The following CTNNA2 variants were observed in gnomAD, a reference collection of about 807,000 sequenced individuals.
CTNNA2 encodes the protein catenin alpha 2.
In CTNNA2, 42 loss-of-function variants were observed where a neutral mutation model predicts 101.0. That is an observed-to-expected ratio of 0.42 (90% CI 0.32 to 0.54). The LOEUF (loss-of-function observed/expected upper bound fraction) is 0.54. Ranked by LOEUF, CTNNA2 falls within the 20% of genes least tolerant of loss-of-function variation. The pLI is 0.14. For missense variants in CTNNA2, 871 were observed against 1,223.1 expected, an observed-to-expected ratio of 0.71 and a Z score of 4.29; for synonymous variants, 450 against 456.4, an observed-to-expected ratio of 0.99 and a Z score of 0.18.
chr2:79,476,379 G>C (rs1314345956), intron 4 of CTNNA2, among the ~76,000 whole-genome samples: 1 of 152,174 alleles, frequency 6.6e-6, no homozygotes, highest in African/African-American at 2.4e-5. Flanking sequence ...CTGGGCTGAA[G>C]GGAGCCCAGA....
At chr2:80,513,170 G>T (rs947457180) in intron 9 of CTNNA2, among the ~76,000 whole-genome samples, 3 of 152,122 alleles carry the variant, frequency 2.0e-5, no homozygotes, top group South Asian at 4.1e-4. Flanking sequence ...CCAGAGGGGG[G>T]TCCTACACAT....
At chr2:79,211,571 C>A (rs1003795318) in intron 2 of CTNNA2, among the ~76,000 whole-genome samples, 4 of 152,058 alleles carry the variant, frequency 2.6e-5, no homozygotes, top group African/African-American at 9.7e-5. Flanking sequence ...AGTAGGGGAG[C>A]TTTTGAGTCA....
chr2:79,543,794 A>G (rs1197381909), intron 1 of CTNNA2, among the ~76,000 whole-genome samples: 1 of 152,238 alleles, frequency 6.6e-6, no homozygotes, highest in Non-Finnish European at 1.5e-5. Context: ...TCATGATACC[A>G]AAATTTCATT....
Position 79,872,399 on chromosome 2 carries a change from A to G in CTNNA2, c.586-1677A>G, listed in dbSNP as rs187293070. ...TTACCATTTTATTATTTTTTTTAGT[A>G]TAGATACCCAGGAATGGAATTTCTG... On this transcript the variant is annotated intron_variant, in intron 5 of 18. Coordinates refer to ENST00000402739, the MANE Select transcript of CTNNA2 (RefSeq NM_001282597.3). 1.4e-3 allele frequency among the ~76,000 whole-genome samples: 206 copies of G among 152,216 alleles called. No individual in the cohort carries two copies. In the Middle Eastern group the frequency reaches 0.02, roughly 15 times the overall value.
chr2:80,512,065 G>A (rs987805050), intron 9 of CTNNA2, among the ~76,000 whole-genome samples: 3 of 146,512 alleles, frequency 2.0e-5, no homozygotes, highest in East Asian at 2.0e-4. Flanking sequence ...CAGGAGAATC[G>A]CTTGAACCCA....
intron 7 of CTNNA2, among the ~76,000 whole-genome samples, chr2:80,220,632 T>C (rs2149053419): frequency 6.6e-6 from 1 of 152,320 alleles, no homozygotes; most frequent in East Asian, 1.9e-4. Context: ...TACTGCTGCA[T>C]TTGTCATGGA....
At position 79,186,592 on chromosome 2, in the gene CTNNA2, G is replaced by A. The variant is rs191905445; in HGVS notation, c.-524+1161G>A. ...ATCACCAATATCAGGAAAATTGTTA[G>A]GTACAATGAAAGACCTGTATCCAGG... On this transcript the variant is annotated intron_variant, in intron 1 of 21. Coordinates refer to the CTNNA2 transcript ENST00000466387. 1.3e-3 allele frequency among the ~76,000 whole-genome samples: 199 copies of A among 152,274 alleles called. 1 individual carries two copies. Among genetic ancestry groups the A allele is most frequent in the African/African-American group, 4.5e-3 (187 of 41,570 alleles).
intron 9 of CTNNA2, among the ~76,000 whole-genome samples, chr2:80,457,545 T>C (rs1684087395): frequency 6.6e-6 from 1 of 152,118 alleles, no homozygotes; most frequent in Non-Finnish European, 1.5e-5. Context: ...TTAATATTAA[T>C]ATTACTGATG....
intron 7 of CTNNA2, among the ~76,000 whole-genome samples, chr2:80,190,849 A>C (rs1184288335): frequency 1.3e-5 from 2 of 152,148 alleles, no homozygotes; most frequent in Admixed American, 1.3e-4. Context: ...TTCCTTTTGC[A>C]ACAGCAATGT....
At chr2:80,601,998 G>C (rs948081788) in intron 15 of CTNNA2, 2 of 151,922 alleles carry the variant, frequency 1.3e-5, no homozygotes. Context: ...GTTTCTCTCT[G>C]TGCGTAGCAG....
intron 7 of CTNNA2, among the ~76,000 whole-genome samples, chr2:80,318,640 G>A (rs919290266): frequency 6.6e-6 from 1 of 152,108 alleles, no homozygotes; most frequent in Admixed American, 6.6e-5. Flanking sequence ...TTTCAAAGGC[G>A]TTTATTTTTA....
intron 4 of CTNNA2, among the ~76,000 whole-genome samples, chr2:79,425,435 T>A (rs1386607361): frequency 6.6e-6 from 1 of 152,148 alleles, no homozygotes; most frequent in Non-Finnish European, 1.5e-5. Flanking sequence ...TCTTACATAT[T>A]TGGAGGCTGG....
At chr2:79,812,126 A>T (rs943235178) in intron 3 of CTNNA2, among the ~76,000 whole-genome samples, 4 of 152,158 alleles carry the variant, frequency 2.6e-5, no homozygotes, top group Non-Finnish European at 4.4e-5. Context: ...ATTATTTCCA[A>T]TGTCATTTTT....
intron 7 of CTNNA2, among the ~76,000 whole-genome samples, chr2:80,227,374 G>T (rs567510360): frequency 6.6e-6 from 1 of 152,160 alleles, no homozygotes; most frequent in Non-Finnish European, 1.5e-5. Flanking sequence ...TAAGGAGGGG[G>T]TGATATAATC....
At chr2:80,221,824 G>A (rs1708593648) in intron 7 of CTNNA2, among the ~76,000 whole-genome samples, 1 of 152,228 alleles carries the variant, frequency 6.6e-6, no homozygotes. Context: ...ATCAAAATGT[G>A]TGCAAGACAG....
chr2:80,353,415 C>G (rs1673498486), intron 7 of CTNNA2, among the ~76,000 whole-genome samples: 1 of 152,150 alleles, frequency 6.6e-6, no homozygotes, highest in Non-Finnish European at 1.5e-5. Flanking sequence ...ACATACCATA[C>G]AGGTTAGAAT....
At chr2:80,633,209 T>A (rs192899448) in intron 18 of CTNNA2, among the ~76,000 whole-genome samples, 2 of 152,076 alleles carry the variant, frequency 1.3e-5, no homozygotes, top group Non-Finnish European at 2.9e-5. Flanking sequence ...TAAAAGATTA[T>A]GTTTTAAAAG....
At chr2:80,328,449 T>C (rs1671022841) in intron 7 of CTNNA2, 1 of 462,726 alleles carries the variant, frequency 2.2e-6, no homozygotes, top group Admixed American at 2.4e-5. Flanking sequence ...GGAAGGACAG[T>C]GTAGAGGGGA....
chr2:79,519,212 G>T lies in CTNNA2; in HGVS notation c.-6+6005G>T, dbSNP rs182411647. Among the ~76,000 whole-genome samples the T allele has an allele frequency of 2.7e-3, 308 of 112,734 alleles. 1 individual carries two copies. Among genetic ancestry groups the T allele is most frequent in the Middle Eastern group, 8.1e-3 (1 of 124 alleles). 74.0% of individuals were successfully genotyped at this position (112,734 alleles called of 152,430 possible). ...CCACTGCACTTCAGCTTGGGCGACA[G>T]AACAAGACTCCGTCTCAAAAAAAAA... On this transcript the variant is annotated intron_variant, in intron 1 of 18. Transcript: ENST00000402739.
Sources: gnomAD v4.1 joint callset for allele counts (sites outside exome capture counted in the v4.1 genomes callset) on GRCh38, gnomAD v4.1.1 for gene constraint, MANE v1.5 for transcripts, NCBI Gene and HGNC (gene_info 2026-07-23, HGNC 2026-07-21) for gene names.